Variants in DMD observed in about 807,000 individuals in gnomAD.
DMD encodes the protein mutant dystrophin.
A neutral mutation model predicts 330.1 loss-of-function variants in DMD; 63 were observed. That is an observed-to-expected ratio of 0.19 (90% CI 0.16 to 0.24). The LOEUF (loss-of-function observed/expected upper bound fraction) is 0.24. DMD is among the 10% of genes least tolerant of loss of function. The pLI is 1.00. For synonymous variants in DMD, 1,223 were observed against 959.8 expected, an observed-to-expected ratio of 1.27 and a Z score of -5.07; for missense variants, 3,344 against 2,684.1, an observed-to-expected ratio of 1.25 and a Z score of -5.43.
intron 76 of DMD, among the ~76,000 whole-genome samples, chrX:31,135,571 G>T (rs2035117027): frequency 8.9e-6 from 1 of 111,859 alleles, no homozygotes; most frequent in African/African-American, 3.2e-5. Flanking sequence ...CCTATGGATG[G>T]ATGATATTCA....
intron 11 of DMD, among the ~76,000 whole-genome samples, chrX:32,624,134 A>C (rs2058184830): frequency 1.8e-5 from 2 of 112,237 alleles, no homozygotes; most frequent in African/African-American, 6.5e-5. Flanking sequence ...ATAAAAATCT[A>C]CCATGCACAG....
At chrX:32,706,052 A>C (rs777509522) in intron 7 of DMD, among the ~76,000 whole-genome samples, 303 of 108,750 alleles carry the variant, frequency 2.8e-3, no homozygotes, top group Non-Finnish European at 4.1e-3. Flanking sequence ...AGTCATAAAA[A>C]AGGATGAGTT....
intron 62 of DMD, among the ~76,000 whole-genome samples, chrX:31,302,848 TA>T (rs1340775580): frequency 9.0e-6 from 1 of 111,664 alleles, no homozygotes; most frequent in Non-Finnish European, 1.9e-5. Context: ...ACAAAGTATT[TA>T]AAAAGCTAGT....
chrX:32,174,391 A>C (rs1009565620), intron 44 of DMD, among the ~76,000 whole-genome samples: 14 of 112,566 alleles, frequency 1.2e-4, no homozygotes, highest in Admixed American at 2.8e-4. Context: ...GTGACTCCTG[A>C]CAACAACTGT....
At chrX:32,217,605 T>C (rs774411976) in intron 43 of DMD, among the ~76,000 whole-genome samples, 42 of 109,867 alleles carry the variant, frequency 3.8e-4, no homozygotes, top group Non-Finnish European at 7.0e-4. Context: ...TTACCAATAT[T>C]GTGCTGTATA....
intron 63 of DMD, among the ~76,000 whole-genome samples, chrX:31,254,974 G>A (rs2049783389): frequency 9.6e-6 from 1 of 103,674 alleles, no homozygotes; most frequent in African/African-American, 3.6e-5. Context: ...GAGCCTGGGT[G>A]TTCAAAGCTG....
chrX:32,464,747 T>C, intron 23 of DMD, 48 bp from the exon 24 acceptor site: 2 of 886,516 alleles, frequency 2.3e-6, no homozygotes, highest in Non-Finnish European at 1.7e-6. Flanking sequence ...TGATTACTTT[T>C]AACACAATTC....
chrX:32,804,425 T>C (rs2076806462), intron 7 of DMD, among the ~76,000 whole-genome samples: 2 of 112,527 alleles, frequency 1.8e-5, no homozygotes, highest in Admixed American at 1.9e-4. Context: ...CCTCTCTAGA[T>C]TCTTCCTCTC....
At chrX:32,964,117 G>A (rs1000887290) in intron 2 of DMD, among the ~76,000 whole-genome samples, 9 of 107,850 alleles carry the variant, frequency 8.3e-5, no homozygotes, top group Non-Finnish European at 1.1e-4. Context: ...TTAGCTGGGC[G>A]TGGTGGTGCG....
intron 52 of DMD, among the ~76,000 whole-genome samples, chrX:31,713,071 A>C (rs1389927218): frequency 9.0e-6 from 1 of 111,262 alleles, no homozygotes; most frequent in Admixed American, 9.6e-5. Context: ...TCTCACCCTA[A>C]CAAGGGTTAA....
intron 64 of DMD, 123 bp from the exon 65 acceptor site, chrX:31,209,822 C>A: frequency 1.6e-6 from 1 of 641,964 alleles, no homozygotes; most frequent in Non-Finnish European, 2.5e-6. Flanking sequence ...CAAACGTGAA[C>A]CACACTCTCT....
chrX:31,664,502 C>A (rs760980859), intron 53 of DMD, among the ~76,000 whole-genome samples: 1 of 100,200 alleles, frequency 1.0e-5, no homozygotes, highest in Non-Finnish European at 2.0e-5. Flanking sequence ...CTCTTTTGGT[C>A]GCCTCTGTAT....
intron 11 of DMD, among the ~76,000 whole-genome samples, chrX:32,623,256 C>G (rs1443695843): frequency 9.0e-6 from 1 of 111,456 alleles, no homozygotes; most frequent in Non-Finnish European, 1.9e-5. Flanking sequence ...GGGTGATTAG[C>G]AAGGAAGTGA....
At chrX:31,447,553 C>A (rs888879578) in intron 59 of DMD, among the ~76,000 whole-genome samples, 2 of 110,411 alleles carry the variant, frequency 1.8e-5, no homozygotes, top group Non-Finnish European at 3.8e-5. Context: ...AGAAAGATTT[C>A]CTAAATCATA....
At chrX:31,867,601 A>G (rs1031080349) in intron 48 of DMD, among the ~76,000 whole-genome samples, 3 of 111,777 alleles carry the variant, frequency 2.7e-5, no homozygotes, top group Admixed American at 9.5e-5. Flanking sequence ...GGATGTTAAA[A>G]ATAACTAGGT....
chrX:32,547,947 A>G (rs1277308590), intron 16 of DMD, among the ~76,000 whole-genome samples: 1 of 111,758 alleles, frequency 8.9e-6, no homozygotes, highest in African/African-American at 3.2e-5. Flanking sequence ...TCTACCTGAT[A>G]TTCTAAGATT....
At chrX:32,225,199 T>C (rs1275036068) in intron 43 of DMD, among the ~76,000 whole-genome samples, 4 of 112,097 alleles carry the variant, frequency 3.6e-5, no homozygotes, top group Admixed American at 9.5e-5. Context: ...TGAGAACAAA[T>C]ATTTCAGGCT....
At chrX:32,683,460 G>C (rs2062588301) in intron 9 of DMD, among the ~76,000 whole-genome samples, 1 of 109,298 alleles carries the variant, frequency 9.1e-6, no homozygotes, top group Admixed American at 9.8e-5. Context: ...ATACTATGCA[G>C]CCATAAAAAA....
At chrX:33,318,602 T>G (rs1471309595) in intron 1 of DMD, among the ~76,000 whole-genome samples, 2 of 108,382 alleles carry the variant, frequency 1.8e-5, no homozygotes, top group Non-Finnish European at 3.8e-5. Context: ...CAGCAAAATT[T>G]TTTTTTTGTT....
Sources: allele counts gnomAD v4.1 joint callset (sites outside exome capture counted in the v4.1 genomes callset), GRCh38; gene constraint gnomAD v4.1.1; transcripts MANE v1.5; gene names NCBI Gene and HGNC (gene_info 2026-07-23, HGNC 2026-07-21).